The following ENPP1 variants were observed in gnomAD, a reference collection of about 807,000 sequenced individuals.
ENPP1 encodes the protein ectonucleotide pyrophosphatase/phosphodiesterase family member 1.
A neutral mutation model predicts 122.8 loss-of-function variants in ENPP1; 73 were observed. The ratio of observed to expected loss-of-function variants is 0.59; its 90% confidence interval spans 0.49 to 0.72. The LOEUF (loss-of-function observed/expected upper bound fraction) is 0.72, where lower values mean the gene tolerates loss of function less well. Ranked by LOEUF, ENPP1 falls within the 30% of genes least tolerant of loss-of-function variation. The probability of loss-of-function intolerance (pLI) is 0.00; values close to 1 mark genes in which losing one functional copy is unlikely to be tolerated. For missense variants in ENPP1, 978 were observed against 1,128.1 expected, an observed-to-expected ratio of 0.87 and a Z score of 1.91; for synonymous variants, 367 against 391.6, an observed-to-expected ratio of 0.94 and a Z score of 0.74.
At chr6:131,869,929 A>ATTTT (rs1181849538) in intron 13 of ENPP1, among the ~76,000 whole-genome samples, 1 of 151,708 alleles carries the variant, frequency 6.6e-6, no homozygotes, top group African/African-American at 2.4e-5. Flanking sequence ...ATCACAGTTA[A>ATTTT]TTTTTTTATG....
At chr6:131,838,652 G>A (rs1038319072) in intron 1 of ENPP1, among the ~76,000 whole-genome samples, 5 of 148,980 alleles carry the variant, frequency 3.4e-5, no homozygotes, top group South Asian at 2.1e-4. Context: ...AAAAATAAGA[G>A]TAAGACCAGA....
chr6:131,875,389 A>G (rs1782216276), intron 16 of ENPP1, among the ~76,000 whole-genome samples: 1 of 152,180 alleles, frequency 6.6e-6, no homozygotes, highest in Non-Finnish European at 1.5e-5. Flanking sequence ...TCTGAGAAGG[A>G]TAATATCTTA....
At chr6:131,811,627 G>A (rs1348987411) in intron 1 of ENPP1, among the ~76,000 whole-genome samples, 1 of 152,082 alleles carries the variant, frequency 6.6e-6, no homozygotes, top group African/African-American at 2.4e-5. Context: ...GCTATACATT[G>A]TTCTTTGTAT....
chr6:131,826,521 T>C, intron 1 of ENPP1: 1 of 1,220,260 alleles, frequency 8.2e-7, no homozygotes, highest in Admixed American at 1.7e-5. Context: ...CAATGATCTC[T>C]TCCACAGTTT....
intron 6 of ENPP1, among the ~76,000 whole-genome samples, chr6:131,858,002 G>A (rs1245759876): frequency 6.6e-6 from 1 of 152,164 alleles, no homozygotes; most frequent in South Asian, 2.1e-4. Flanking sequence ...ACTGATGGAA[G>A]GCAGTGAGAT....
In ENPP1 at chr6:131,874,332, A is replaced by T; in HGVS notation, c.1630A>T (p.Met544Leu). 1.9e-6 allele frequency: 3 copies of T among 1,566,750 alleles called. No individual in the cohort carries two copies. Among genetic ancestry groups the T allele is most frequent in the Non-Finnish European group, 1.8e-6 (2 of 1,138,128 alleles). ...TGGCTCTGACAATGTATTTTCAAAT[A>T]TGCAAGTGAGTAAACCTATTATACT... ...FHGSDNVFSN[M>L]QALFVGYGPG... The change falls in exon 16 of 25, where the codon ATG (methionine) becomes TTG (leucine). Residue 544 changes from methionine (M) to leucine (L), a missense_variant. Coordinates refer to ENST00000647893, the MANE Select transcript of ENPP1 (RefSeq NM_006208.3).
intron 1 of ENPP1, chr6:131,819,930 C>A (rs944449136): frequency 1.1e-5 from 6 of 538,014 alleles, no homozygotes; most frequent in Non-Finnish European, 1.7e-5. Context: ...AGATGAGTTT[C>A]CATAGCTTCT....
At chr6:131,813,996 A>G (rs963209244) in intron 1 of ENPP1, among the ~76,000 whole-genome samples, 1 of 152,226 alleles carries the variant, frequency 6.6e-6, no homozygotes, top group African/African-American at 2.4e-5. Flanking sequence ...AAGCAAATGG[A>G]AGAGCCTTAG....
chr6:131,872,187 G>T (rs1782170826), intron 14 of ENPP1, 86 bp downstream of exon 14: 4 of 909,422 alleles, frequency 4.4e-6, no homozygotes, highest in Non-Finnish European at 7.1e-6. Flanking sequence ...CTATTATTGG[G>T]ATTGAAGGAT....
At chr6:131,829,966 TGTA>T (rs1383794361) in intron 1 of ENPP1, among the ~76,000 whole-genome samples, 1 of 152,124 alleles carries the variant, frequency 6.6e-6, no homozygotes, top group Non-Finnish European at 1.5e-5. Context: ...GTCTGGGAAG[TGTA>T]GTAGTCAAAG....
intron 1 of ENPP1, among the ~76,000 whole-genome samples, chr6:131,811,776 G>A (rs563610209): frequency 5.3e-5 from 8 of 152,200 alleles, no homozygotes; most frequent in African/African-American, 1.9e-4. Context: ...GATAAATTTT[G>A]CATAGTTCGC....
chr6:131,843,814 G>GT (rs1286719081), intron 1 of ENPP1, among the ~76,000 whole-genome samples: 1 of 151,942 alleles, frequency 6.6e-6, no homozygotes, highest in East Asian at 1.9e-4. Context: ...GTCGCCACTG[G>GT]TTTGTTGCCA....
intron 1 of ENPP1, among the ~76,000 whole-genome samples, chr6:131,819,098 T>G (rs1236137247): frequency 6.6e-6 from 1 of 152,200 alleles, no homozygotes. Context: ...TTTTTTTTCA[T>G]GTTGTTTAAT....
intron 13 of ENPP1, among the ~76,000 whole-genome samples, chr6:131,870,614 T>C (rs1782149466): frequency 6.6e-6 from 1 of 152,244 alleles, no homozygotes; most frequent in Non-Finnish European, 1.5e-5. Context: ...AGATAGATAC[T>C]ATTGACTATT....
intron 6 of ENPP1, 111 bp from the exon 7 acceptor site, chr6:131,858,557 T>C: frequency 2.8e-6 from 2 of 714,022 alleles, no homozygotes. Context: ...TTAAAATCCC[T>C]CCTGGGCTAA....
At chr6:131,834,528 CTTT>C (rs34437450) in intron 1 of ENPP1, among the ~76,000 whole-genome samples, 195 of 133,062 alleles carry the variant, frequency 1.5e-3, no homozygotes, top group African/African-American at 3.8e-3. Flanking sequence ...AGGTAATAGT[CTTT>C]TTTTTTTTTT....
At chr6:131,854,286 G>A (rs1049466544) in intron 5 of ENPP1, among the ~76,000 whole-genome samples, 2 of 152,002 alleles carry the variant, frequency 1.3e-5, no homozygotes, top group African/African-American at 4.8e-5. Flanking sequence ...GGTGGTGCGT[G>A]TTTGTAGTCC....
chr6:131,887,099 A>G (rs1782390142), intron 24 of ENPP1, among the ~76,000 whole-genome samples: 2 of 151,878 alleles, frequency 1.3e-5, no homozygotes, highest in African/African-American at 4.8e-5. Context: ...ATCAGATCAG[A>G]ATCAAACTTT....
At chr6:131,844,796 A>G (rs189815914) in intron 1 of ENPP1, among the ~76,000 whole-genome samples, 1 of 152,298 alleles carries the variant, frequency 6.6e-6, no homozygotes, top group East Asian at 1.9e-4. Flanking sequence ...AAGATATCCC[A>G]GAGGGAGTGA....
Sources: gnomAD v4.1 joint callset for allele counts (sites outside exome capture counted in the v4.1 genomes callset) on GRCh38, gnomAD v4.1.1 for gene constraint, MANE v1.5 for transcripts, NCBI Gene and HGNC (gene_info 2026-07-23, HGNC 2026-07-21) for gene names.